KIAA0319: variants seen among roughly 807,000 people sequenced by gnomAD.
The protein encoded by KIAA0319 is KIAA0319.
KIAA0319 carries 83 observed loss-of-function variants against 108.4 expected under a neutral mutation model. The ratio of observed to expected loss-of-function variants is 0.77; its 90% CI spans 0.64 to 0.92. The LOEUF is 0.92. Ranked by LOEUF, KIAA0319 falls within the 40% of genes least tolerant of loss-of-function variation. The pLI, the probability that KIAA0319 is intolerant of heterozygous loss-of-function variation, is 0.00. For missense variants in KIAA0319, 1,195 were observed against 1,322.4 expected (o/e 0.90, Z 1.49); for synonymous variants, 484 against 510.4 (o/e 0.95, Z 0.70).
chr6:24,634,326 A>G (rs1775940507), intron 1 of KIAA0319, among the ~76,000 whole-genome samples: 1 of 152,188 alleles, frequency 6.6e-6, no homozygotes, highest in African/African-American at 2.4e-5. Context: ...GTTCTACAAC[A>G]TGTCTTATTT....
intron 1 of KIAA0319, among the ~76,000 whole-genome samples, chr6:24,632,598 C>T (rs1246926249): frequency 6.6e-6 from 1 of 152,166 alleles, no homozygotes; most frequent in Non-Finnish European, 1.5e-5. Flanking sequence ...TAAAAGTAAC[C>T]TGCAGAGATG....
intron 14 of KIAA0319, among the ~76,000 whole-genome samples, chr6:24,565,076 T>G (rs751787157): frequency 6.6e-6 from 1 of 151,786 alleles, no homozygotes; most frequent in Non-Finnish European, 1.5e-5. Context: ...TGAAACCCCG[T>G]CTCTACTAAA....
intron 2 of KIAA0319, chr6:24,600,770 T>C (rs569554513): frequency 1.1e-6 from 1 of 909,068 alleles, no homozygotes; most frequent in East Asian, 2.7e-5. Flanking sequence ...CAGCCAGATC[T>C]AGTATGCAAT....
chr6:24,642,066 G>A (rs1776993358), intron 1 of KIAA0319, among the ~76,000 whole-genome samples: 2 of 131,466 alleles, frequency 1.5e-5, no homozygotes, highest in Non-Finnish European at 3.3e-5. Flanking sequence ...GGAGGGGAGG[G>A]GAGGAAGGAG....
rs1760366632 is a variant in KIAA0319 at position 24,544,330 on chromosome 6, G to A, written c.*2835C>T. The A allele has an allele frequency of 6.6e-6, 1 of 152,042 alleles. No individual in the cohort carries two copies. The highest frequency in any genetic ancestry group is 1.5e-5 in the Non-Finnish European group (1 of 68,004). 9.4% of individuals were successfully genotyped at this position (152,042 alleles called of 1,614,324 possible). A position where few individuals can be genotyped will look rare whatever the true frequency, so the allele number is the denominator to read the frequency against. On this transcript the variant is annotated 3_prime_UTR_variant, in exon 21 of 21. Transcript: ENST00000378214. ...AAAACAAATTTCCCCCTAAAAATAA[G>A]CATTACAGAAAATACAGACACCTTT...
chr6:24,604,081 C>A (rs181352228), intron 1 of KIAA0319, among the ~76,000 whole-genome samples: 118 of 152,216 alleles, frequency 7.8e-4, no homozygotes, highest in Middle Eastern at 3.4e-3. Context: ...GTACAACGGA[C>A]CTGAGGCCAT....
chr6:24,548,889 G>A lies in KIAA0319; in HGVS notation c.3041-1546C>T, dbSNP rs1243349979. 3.9e-5 allele frequency among the ~76,000 whole-genome samples: 6 copies of A among 152,130 alleles called. No individual in the cohort carries two copies. The South Asian group carries it at 8.3e-4, about 21-fold the overall frequency. On this transcript the variant is annotated intron_variant, in intron 20 of 20. Transcript: ENST00000378214. ...AACCACAGTGTGCAGGATGGAAGAC[G>A]GACAGTAGACATAGAGGTTGCTGTG...
At chr6:24,547,456 G>T in intron 20 of KIAA0319, 113 bp from the exon 21 acceptor site, 1 of 861,508 alleles carries the variant, frequency 1.2e-6, no homozygotes, top group Non-Finnish European at 1.8e-6. Flanking sequence ...TCCGCCCCTT[G>T]AAAGCAATCA....
downstream of KIAA0319, among the ~76,000 whole-genome samples, chr6:24,541,667 G>A (rs1760198169): frequency 6.6e-6 from 1 of 151,734 alleles, no homozygotes; most frequent in African/African-American, 2.4e-5. Flanking sequence ...TCATGGTGGT[G>A]GGCGCCTGTA....
At position 24,601,098 on chromosome 6, in the gene KIAA0319, C is replaced by T. The variant is rs749871433; in HGVS notation, c.6G>A (p.Ala2=). Residue 2 remains alanine (A), a synonymous_variant, in exon 2 of 21, where the codon GCG becomes GCA. Transcript: ENST00000378214. M[A]PPTGVLSSLL... The stretch of plus-strand genomic sequence containing the variant: ...ATGAAGAGAGCACACCTGTGGGGGG[C>T]GCCATTGTGCACCACACAGTGGGTG... The T allele has an allele frequency of 8.1e-6, 13 of 1,613,930 alleles. No homozygotes were observed. The highest frequency in any genetic ancestry group is 3.3e-4 in the Middle Eastern group (2 of 6,084).
At position 24,568,945 on chromosome 6, in the gene KIAA0319, G is replaced by C. The variant is rs540555048; in HGVS notation, c.1992-16C>G. 2 of 1,613,240 alleles carry C rather than the reference G, an allele frequency of 1.2e-6. No individual in the cohort carries two copies. Among genetic ancestry groups the C allele is most frequent in the Admixed American group, 1.7e-5 (1 of 60,020 alleles). On this transcript the variant is annotated splice_polypyrimidine_tract_variant and intron_variant, in intron 12 of 20. Transcript: ENST00000378214. ...ACTGGGGCCTCTATAAAACATAGAA[G>C]TGGTTAACATAAGGGAGGGGGCATG...
chr6:24,629,232 A>G (rs1413075038), intron 1 of KIAA0319, among the ~76,000 whole-genome samples: 1 of 152,128 alleles, frequency 6.6e-6, no homozygotes, highest in Non-Finnish European at 1.5e-5. Flanking sequence ...GGAATCAATG[A>G]CAGTCCAGCG....
chr6:24,577,211 A>C (rs1765675576), intron 9 of KIAA0319, among the ~76,000 whole-genome samples: 1 of 152,212 alleles, frequency 6.6e-6, no homozygotes, highest in South Asian at 2.1e-4. Context: ...TCCTCACCCA[A>C]CACAGATGCC....
chr6:24,570,209 T>C (rs929979940), intron 11 of KIAA0319, among the ~76,000 whole-genome samples, 174 bp from the exon 12 acceptor site: 4 of 152,016 alleles, frequency 2.6e-5, no homozygotes, highest in Admixed American at 2.6e-4. Flanking sequence ...GATCCAGGAG[T>C]TGAACAGTCC....
chr6:24,576,593 C>T lies in KIAA0319; in HGVS notation c.1509G>A (p.Leu503=), dbSNP rs548250591. ...TGGCTCCGTCCGAGTCTGTAACAGT[C>T]AACCTACAAAAAGGAGAAGAAGCCG... ...NLDPGNYSFR[L]TVTDSDGATN... is the part of the protein sequence containing the mutation. The change falls in exon 10 of 21, where the codon TTG becomes TTA. Residue 503 remains leucine, a synonymous_variant. Coordinates refer to ENST00000378214, the MANE Select transcript of KIAA0319 (RefSeq NM_014809.4). 138 of 1,612,996 alleles carry T rather than the reference C, an allele frequency of 8.6e-5. 1 individual carries two copies. The highest frequency in any genetic ancestry group is 6.6e-4 in the Middle Eastern group (4 of 6,054).
Position 24,554,547 on chromosome 6 carries a change from C to T in KIAA0319, c.2942G>A (p.Cys981Tyr), listed in dbSNP as rs1441977279. Residue 981 changes from cysteine to tyrosine, a missense_variant, in exon 19 of 21, where the codon TGC becomes TAC. Transcript: ENST00000378214. ...GAATAAGCACTCTAGGTACCTTTTGCAGCAGCAGATGCAAAGCCAAGTGAA... is the reference window on the plus strand; with the variant it reads ...GAATAAGCACTCTAGGTACCTTTTGTAGCAGCAGATGCAAAGCCAAGTGAA... Reference protein sequence around the residue: ...GGFTWLCICCCKRQKRTKIRK... With the variant: ...GGFTWLCICCYKRQKRTKIRK... 4.3e-6 allele frequency: 7 copies of T among 1,611,676 alleles called. No individual in the cohort carries two copies. Among genetic ancestry groups the T allele is most frequent in the Non-Finnish European group, 5.9e-6 (7 of 1,177,984 alleles).
chr6:24,559,111 A>AAG lies in KIAA0319; in HGVS notation c.2635_2636insCT (p.Val879AlafsTer29). On this transcript the variant is annotated frameshift_variant, in exon 17 of 21. Coordinates refer to ENST00000378214, the MANE Select transcript of KIAA0319 (RefSeq NM_014809.4). LOFTEE classifies it high-confidence loss of function. ...TCGGGCCACTTCAGCAGCTTTGAGAACCTTGAAAGGCGGCCTGCTCTGTAC... is the reference window on the plus strand; with the variant it reads ...TCGGGCCACTTCAGCAGCTTTGAGAAAGCCTTGAAAGGCGGCCTGCTCTGTAC... 6.2e-7 allele frequency: 1 copy of AAG among 1,613,756 alleles called. No individual in the cohort carries two copies. Among genetic ancestry groups the AAG allele is most frequent in the Non-Finnish European group, 8.5e-7 (1 of 1,180,020 alleles).
downstream of KIAA0319, among the ~76,000 whole-genome samples, chr6:24,542,636 G>A (rs2127394214): frequency 6.6e-6 from 1 of 152,238 alleles, no homozygotes; most frequent in African/African-American, 2.4e-5. Flanking sequence ...GATCACTTGA[G>A]CCTGGGAGGT....
In KIAA0319 at chr6:24,564,463, T is replaced by C. The variant is rs527665243; in HGVS notation, c.2293-123A>G. On this transcript the variant is annotated intron_variant, in intron 14 of 20. Coordinates refer to ENST00000378214, the MANE Select transcript of KIAA0319 (RefSeq NM_014809.4). ...ACAGGCGTGACTTTAAGAGGGAGGC[T>C]GCAGGGAATGAGGCTGGCGGGATAG... The C allele has an allele frequency of 1.8e-5, 23 of 1,243,308 alleles. No individual in the cohort carries two copies. The East Asian group carries it at 5.2e-4, about 28-fold the overall frequency. The allele number at this position is 1,243,308 out of a possible 1,614,324, so 77.0% of individuals were successfully genotyped here.
Sources: allele counts gnomAD v4.1 joint callset (sites outside exome capture counted in the v4.1 genomes callset), GRCh38; gene constraint gnomAD v4.1.1; transcripts MANE v1.5; gene names NCBI Gene and HGNC (gene_info 2026-07-23, HGNC 2026-07-21).